The following APP variants were observed in gnomAD, a reference collection of about 807,000 sequenced individuals.
The protein encoded by APP is amyloid-beta precursor protein.
Under a neutral mutation model 101.4 loss-of-function variants are expected in APP, and 31 were observed. The observed-to-expected ratio is 0.31, with a 90% confidence interval of 0.23 to 0.41. The LOEUF (loss-of-function observed/expected upper bound fraction) is 0.41, where lower values mean the gene tolerates loss of function less well. Ranked by LOEUF, APP falls within the 10% of genes least tolerant of loss-of-function variation. The probability of loss-of-function intolerance (pLI) is 1.00; values close to 1 mark genes in which losing one functional copy is unlikely to be tolerated. For missense variants in APP, 839 were observed against 1,003.7 expected (o/e 0.84, Z 2.22); for synonymous variants, 366 against 364.4 (o/e 1.00, Z -0.05).
chr21:26,030,413 CTG>C (rs996095267), intron 5 of APP, among the ~76,000 whole-genome samples: 54 of 152,208 alleles, frequency 3.5e-4, no homozygotes, highest in African/African-American at 1.2e-3. Context: ...CATCTGGACT[CTG>C]TAGAAAAATG....
intron 1 of APP, among the ~76,000 whole-genome samples, chr21:26,141,060 T>G (rs12482813): frequency 6.6e-6 from 1 of 152,218 alleles, no homozygotes; most frequent in Admixed American, 6.5e-5. Context: ...ATCTATCTCA[T>G]GGAGTCAGTG....
chr21:25,943,987 C>T (rs1233337014), intron 13 of APP, among the ~76,000 whole-genome samples: 1 of 152,156 alleles, frequency 6.6e-6, no homozygotes, highest in Non-Finnish European at 1.5e-5. Flanking sequence ...AGACATAGGT[C>T]CACACCTCAG....
At chr21:25,920,710 G>A (rs1418364626) in intron 13 of APP, among the ~76,000 whole-genome samples, 1 of 150,866 alleles carries the variant, frequency 6.6e-6, no homozygotes, top group African/African-American at 2.5e-5. Flanking sequence ...CAATACAGGA[G>A]CACCCAGATT....
At chr21:25,918,652 C>A (rs576149094) in intron 13 of APP, among the ~76,000 whole-genome samples, 37 of 151,770 alleles carry the variant, frequency 2.4e-4, no homozygotes, top group Non-Finnish European at 4.9e-4. Context: ...CACTCCCACC[C>A]GAATATTGCG....
At chr21:26,012,292 C>T (rs926102177) in intron 6 of APP, among the ~76,000 whole-genome samples, 1 of 152,056 alleles carries the variant, frequency 6.6e-6, no homozygotes, top group Non-Finnish European at 1.5e-5. Flanking sequence ...AGATACCATG[C>T]CTGGCCTGTA....
At chr21:26,044,659 C>G (rs2045526429) in intron 5 of APP, among the ~76,000 whole-genome samples, 1 of 152,160 alleles carries the variant, frequency 6.6e-6, no homozygotes, top group Non-Finnish European at 1.5e-5. Flanking sequence ...CCTGCCTCAG[C>G]CTCCCGAGTA....
intron 5 of APP, among the ~76,000 whole-genome samples, chr21:26,032,068 A>G (rs1207179915): frequency 2.0e-5 from 3 of 152,218 alleles, no homozygotes; most frequent in Non-Finnish European, 4.4e-5. Flanking sequence ...CATAAAGGTA[A>G]AGATGATGTA....
chr21:25,948,821 CCAAT>C (rs1361870947), intron 13 of APP, among the ~76,000 whole-genome samples: 13 of 152,108 alleles, frequency 8.5e-5, no homozygotes, highest in Non-Finnish European at 2.9e-5. Context: ...AAAGAAAACA[CCAAT>C]CATTTTTAAG....
chr21:25,936,751 T>G (rs2040381642), intron 13 of APP, among the ~76,000 whole-genome samples: 1 of 152,180 alleles, frequency 6.6e-6, no homozygotes, highest in Admixed American at 6.5e-5. Context: ...TCTGTGGTAT[T>G]TTGGTATTTT....
chr21:26,120,987 G>C (rs112064882), intron 1 of APP, among the ~76,000 whole-genome samples: 1 of 10 alleles, frequency 0.1, no homozygotes, highest in African/African-American at 0.17. Flanking sequence ...GCCACACGTA[G>C]GCTCCCGCCC....
intron 15 of APP, among the ~76,000 whole-genome samples, chr21:25,904,663 G>GA (rs1281840598): frequency 6.6e-6 from 1 of 151,980 alleles, no homozygotes; most frequent in African/African-American, 2.4e-5. Flanking sequence ...CATCACCTGA[G>GA]AGTCTACATC....
chr21:25,999,328 C>G (rs1220906522), intron 7 of APP, among the ~76,000 whole-genome samples: 1 of 152,006 alleles, frequency 6.6e-6, no homozygotes, highest in Non-Finnish European at 1.5e-5. Context: ...GTTCCTCGAG[C>G]CTTATGTCAT....
In APP at chr21:26,130,842, G is replaced by GA. The variant is rs1054369589; in HGVS notation, c.58-18697dup. On this transcript the variant is annotated intron_variant, in intron 1 of 17. Transcript: ENST00000346798. ...CCTTACTATCACAGAAAAGAACAAAGAAAAAAAAATTCTGCTTCAAAAGCC... is the reference window on the plus strand; with the variant it reads ...CCTTACTATCACAGAAAAGAACAAAGAAAAAAAAAATTCTGCTTCAAAAGCC... Among the ~76,000 whole-genome samples, 30 of 150,938 alleles carry GA rather than the reference G, an allele frequency of 2.0e-4. No individual in the cohort carries two copies. The East Asian group carries it at 4.5e-3, about 22-fold the overall frequency.
chr21:25,977,486 T>G (rs1366790323), intron 9 of APP, among the ~76,000 whole-genome samples: 1 of 152,154 alleles, frequency 6.6e-6, no homozygotes, highest in Non-Finnish European at 1.5e-5. Context: ...TACTTCAAGA[T>G]GGGAAAGAAA....
chr21:25,920,714 C>G, intron 13 of APP, among the ~76,000 whole-genome samples: 1 of 150,370 alleles, frequency 6.7e-6, no homozygotes, highest in Non-Finnish European at 1.5e-5. Flanking sequence ...ACAGGAGCAC[C>G]CAGATTCATA....
At chr21:25,926,273 C>G (rs866562346) in intron 13 of APP, among the ~76,000 whole-genome samples, 1 of 152,218 alleles carries the variant, frequency 6.6e-6, no homozygotes. Context: ...CTACTGAAGA[C>G]ACTTTTAGCA....
At chr21:26,097,008 C>G (rs1271741453) in intron 2 of APP, among the ~76,000 whole-genome samples, 2 of 152,154 alleles carry the variant, frequency 1.3e-5, no homozygotes, top group East Asian at 3.9e-4. Context: ...TTGGGATGTG[C>G]ATTTGGATTC....
intron 13 of APP, among the ~76,000 whole-genome samples, chr21:25,926,528 A>G (rs958693711): frequency 6.6e-6 from 1 of 152,160 alleles, no homozygotes; most frequent in South Asian, 2.1e-4. Flanking sequence ...TGCTGATTTG[A>G]TAACCACAAT....
intron 2 of APP, among the ~76,000 whole-genome samples, chr21:26,098,621 C>T (rs1285435799): frequency 6.6e-6 from 1 of 152,070 alleles, no homozygotes; most frequent in African/African-American, 2.4e-5. Context: ...TTCAAAAACA[C>T]AAAATCAAAC....
Sources: allele counts gnomAD v4.1 joint callset (sites outside exome capture counted in the v4.1 genomes callset), GRCh38; gene constraint gnomAD v4.1.1; transcripts MANE v1.5; gene names NCBI Gene and HGNC (gene_info 2026-07-23, HGNC 2026-07-21).